Variants in SHANK2 observed in about 807,000 individuals in gnomAD.
The protein encoded by SHANK2 is SH3 and multiple ankyrin repeat domains protein 2.
In SHANK2, 43 loss-of-function variants were observed where a neutral mutation model predicts 133.7. The ratio of observed to expected loss-of-function variants is 0.32; its 90% CI spans 0.25 to 0.41. The LOEUF (loss-of-function observed/expected upper bound fraction) is 0.41. SHANK2 is among the 10% of genes least tolerant of loss of function. The pLI is 1.00. For synonymous variants in SHANK2, 1,017 were observed against 952.8 expected (o/e 1.07, Z -1.24); for missense variants, 1,994 against 2,235.8 (o/e 0.89, Z 2.18).
intron 11 of SHANK2, among the ~76,000 whole-genome samples, chr11:70,833,464 C>T (rs149787204): frequency 1.4e-3 from 207 of 152,338 alleles, no homozygotes; most frequent in Middle Eastern, 3.4e-3. Flanking sequence ...GCTGGGCATG[C>T]GACATCTCTC....
rs564845609 is a variant in SHANK2 at position 70,921,579 on chromosome 11, G to A, written c.1108-25012C>T. 1.9e-3 allele frequency among the ~76,000 whole-genome samples: 288 copies of A among 152,368 alleles called. 2 individuals carry two copies. Among genetic ancestry groups the A allele is most frequent in the South Asian group, 3.7e-3 (18 of 4,830 alleles). On this transcript the variant is annotated intron_variant, in intron 10 of 25. Coordinates refer to ENST00000601538, the MANE Select transcript of SHANK2 (RefSeq NM_012309.5). ...TCTGAAATTGGGAGGAGCAGAAGGT[G>A]AAAAAGCGAAGCATAAGAAATGGAG... is the stretch of plus-strand genomic sequence containing the variant.
At chr11:70,778,541 T>C (rs1376573449) in intron 14 of SHANK2, among the ~76,000 whole-genome samples, 1 of 151,888 alleles carries the variant, frequency 6.6e-6, no homozygotes, top group African/African-American at 2.4e-5. Context: ...GGCAGGGCCT[T>C]GACCCAAGAG....
intron 8 of SHANK2, among the ~76,000 whole-genome samples, chr11:71,076,519 AC>A: frequency 6.6e-6 from 1 of 151,908 alleles, no homozygotes; most frequent in South Asian, 2.1e-4. Flanking sequence ...ACAAACAAAA[AC>A]AAAAAACGAA....
At chr11:70,871,070 A>T (rs1227568123) in intron 11 of SHANK2, among the ~76,000 whole-genome samples, 2 of 152,106 alleles carry the variant, frequency 1.3e-5, no homozygotes, top group African/African-American at 4.8e-5. Flanking sequence ...GAGCCACTGC[A>T]CCCGGTCCCA....
intron 14 of SHANK2, among the ~76,000 whole-genome samples, chr11:70,768,432 G>A (rs1947174011): frequency 6.6e-6 from 1 of 152,192 alleles, no homozygotes; most frequent in East Asian, 1.9e-4. Flanking sequence ...GATGAGGTGA[G>A]GAATGTGACC....
chr11:70,762,072 C>T (rs1399328630), intron 14 of SHANK2, among the ~76,000 whole-genome samples: 2 of 152,206 alleles, frequency 1.3e-5, no homozygotes, highest in Non-Finnish European at 2.9e-5. Context: ...TGCAGCGCCC[C>T]AGAGATTCAG....
chr11:70,955,599 A>C (rs1950909500), intron 10 of SHANK2, among the ~76,000 whole-genome samples: 1 of 152,186 alleles, frequency 6.6e-6, no homozygotes, highest in Non-Finnish European at 1.5e-5. Context: ...GGATTGGTTT[A>C]AATGATTGTG....
chr11:70,681,349 T>C (rs1271222442), intron 15 of SHANK2, among the ~76,000 whole-genome samples: 3 of 152,182 alleles, frequency 2.0e-5, no homozygotes, highest in African/African-American at 4.8e-5. Context: ...AGCCCATCAT[T>C]TGATGCTGCC....
intron 8 of SHANK2, among the ~76,000 whole-genome samples, chr11:71,088,035 T>C (rs1433602645): frequency 1.3e-5 from 2 of 152,192 alleles, no homozygotes; most frequent in Non-Finnish European, 2.9e-5. Context: ...CGCTCCTGTC[T>C]TCATGAAGTC....
chr11:71,115,636 C>A (rs548983012), intron 4 of SHANK2, among the ~76,000 whole-genome samples: 2 of 152,274 alleles, frequency 1.3e-5, no homozygotes, highest in Non-Finnish European at 2.9e-5. Flanking sequence ...CCGGACATCA[C>A]TACTAACATT....
intron 6 of SHANK2, among the ~76,000 whole-genome samples, chr11:71,097,208 C>T (rs1349246992): frequency 6.6e-6 from 1 of 152,124 alleles, no homozygotes; most frequent in African/African-American, 2.4e-5. Flanking sequence ...GTCAGGAGAC[C>T]CCCTCTTCCC....
rs372213848 is a variant in SHANK2 at position 70,798,389 on chromosome 11, G to A, written c.1777+54C>T. On this transcript the variant is annotated intron_variant, in intron 14 of 25. Transcript: ENST00000601538. ...TTGCCACGGACAACACCGACCACGG[G>A]CCTGAGATAGGCCTGCAGGATCGAG... 61 of 713,662 alleles carry A rather than the reference G, an allele frequency of 8.5e-5. 1 individual carries two copies. In the African/African-American group the frequency reaches 1.0e-3, roughly 12 times the overall value. The allele number at this position is 713,662 out of a possible 1,614,324, so 44.2% of individuals were successfully genotyped here. A position where few individuals can be genotyped will look rare whatever the true frequency, so the allele number is the denominator to read the frequency against.
At chr11:71,169,677 G>A (rs1016921808) in intron 2 of SHANK2, among the ~76,000 whole-genome samples, 1 of 151,692 alleles carries the variant, frequency 6.6e-6, no homozygotes, top group Non-Finnish European at 1.5e-5. Flanking sequence ...CTTGAACCCA[G>A]GGTGCAGAGG....
At chr11:70,892,639 G>A (rs1285946972) in intron 11 of SHANK2, among the ~76,000 whole-genome samples, 1 of 152,204 alleles carries the variant, frequency 6.6e-6, no homozygotes, top group Non-Finnish European at 1.5e-5. Context: ...CCTCCAGCAT[G>A]TGGCTCTGGA....
chr11:70,659,289 C>T (rs1165074566), intron 17 of SHANK2, among the ~76,000 whole-genome samples: 4 of 152,128 alleles, frequency 2.6e-5, no homozygotes, highest in African/African-American at 9.7e-5. Flanking sequence ...TTTGCACCAT[C>T]GACACCAGCC....
chr11:70,675,289 G>T (rs1346108632), intron 15 of SHANK2, among the ~76,000 whole-genome samples: 1 of 152,182 alleles, frequency 6.6e-6, no homozygotes, highest in Admixed American at 6.5e-5. Context: ...CGGCCTTTGA[G>T]CACCTTCCAC....
intron 17 of SHANK2, among the ~76,000 whole-genome samples, chr11:70,606,604 G>A (rs2136354426): frequency 6.6e-6 from 1 of 151,588 alleles, no homozygotes; most frequent in East Asian, 1.9e-4. Context: ...TCCTTTGTGG[G>A]GGGCCAAGTC....
intron 2 of SHANK2, among the ~76,000 whole-genome samples, chr11:71,205,728 T>C (rs1004309205): frequency 3.9e-5 from 6 of 152,222 alleles, no homozygotes; most frequent in Non-Finnish European, 8.8e-5. Flanking sequence ...GCACTCCTAA[T>C]GTGCATCTGG....
At chr11:71,247,223 T>A (rs1364253772) in intron 1 of SHANK2, among the ~76,000 whole-genome samples, 2 of 152,188 alleles carry the variant, frequency 1.3e-5, no homozygotes, top group Admixed American at 1.3e-4. Flanking sequence ...TGGGTTTATA[T>A]CACAGTGGGT....
Sources: gnomAD v4.1 joint callset for allele counts (sites outside exome capture counted in the v4.1 genomes callset) on GRCh38, gnomAD v4.1.1 for gene constraint, MANE v1.5 for transcripts, NCBI Gene and HGNC (gene_info 2026-07-23, HGNC 2026-07-21) for gene names.